The following RB1CC1 variants were observed in gnomAD, a reference collection of about 807,000 sequenced individuals.
RB1CC1 encodes the protein RB1 inducible coiled-coil 1, also known as RB1-inducible coiled-coil protein 1.
A neutral mutation model predicts 177.5 loss-of-function variants in RB1CC1; 46 were observed. That is an observed-to-expected ratio of 0.26 (90% CI 0.20 to 0.33). RB1CC1 has a LOEUF of 0.33. RB1CC1 is among the 10% of genes least tolerant of loss of function. The pLI, the probability that RB1CC1 is intolerant of heterozygous loss-of-function variation, is 1.00. For missense variants in RB1CC1, 1,703 were observed against 1,816.3 expected, an observed-to-expected ratio of 0.94 and a Z score of 1.13; for synonymous variants, 666 against 613.6, an observed-to-expected ratio of 1.09 and a Z score of -1.26.
chr8:52,668,869 C>T (rs1427455345), intron 7 of RB1CC1, among the ~76,000 whole-genome samples: 1 of 152,206 alleles, frequency 6.6e-6, no homozygotes. Context: ...ATAACCTTTT[C>T]CCAACCTTAA....
intron 15 of RB1CC1, among the ~76,000 whole-genome samples, chr8:52,653,762 C>A (rs1486195475): frequency 6.6e-6 from 1 of 152,136 alleles, no homozygotes; most frequent in Non-Finnish European, 1.5e-5. Context: ...AGCTGAATAT[C>A]TCAAATGTTG....
At chr8:52,703,333 C>T (rs1390325026) in intron 1 of RB1CC1, among the ~76,000 whole-genome samples, 2 of 152,132 alleles carry the variant, frequency 1.3e-5, no homozygotes, top group Non-Finnish European at 2.9e-5. Flanking sequence ...TCAGATGACA[C>T]CACCAACTAC....
chr8:52,646,096 T>C (rs567590315), intron 15 of RB1CC1, among the ~76,000 whole-genome samples: 4 of 152,336 alleles, frequency 2.6e-5, no homozygotes, highest in Non-Finnish European at 5.9e-5. Context: ...GTATAGCAGA[T>C]AAATTCCAGA....
At chr8:52,676,341 ATAT>A (rs766127378) in intron 6 of RB1CC1, 25 bp downstream of exon 6, 20 of 1,568,428 alleles carry the variant, frequency 1.3e-5, no homozygotes, top group Non-Finnish European at 1.7e-5. Context: ...TTTTAAACAA[ATAT>A]TATCCATTTT....
Position 52,658,017 on chromosome 8 carries a change from T to A in RB1CC1, c.1901A>T (p.Asp634Val). The change falls in exon 14 of 24, where the codon GAT becomes GTT. Residue 634 changes from aspartate (D) to valine (V), a missense_variant. Around this residue, in one of 6 missense-constraint regions of RB1CC1, gnomAD observed 1,169 missense variants for 1,184.7 expected, o/e 0.99. Transcript: ENST00000025008. ...SLDEMSQTIT[D>V]LLSEQKASVS... ...ATTTGCCTTTTGTTCACTCAGTAGATCTGTAATGGTCTGTGACATTTCATC... is the reference window on the plus strand; with the variant it reads ...ATTTGCCTTTTGTTCACTCAGTAGAACTGTAATGGTCTGTGACATTTCATC... The A allele has an allele frequency of 6.2e-7, 1 of 1,614,068 alleles. No homozygotes were observed. Among genetic ancestry groups the A allele is most frequent in the Non-Finnish European group, 8.5e-7 (1 of 1,179,996 alleles).
chr8:52,680,802 A>G lies in RB1CC1; in HGVS notation c.369+2747T>C, dbSNP rs1853628211. Among the ~76,000 whole-genome samples the G allele has an allele frequency of 2.6e-5, 4 of 152,328 alleles. No individual in the cohort carries two copies. The South Asian group carries it at 8.3e-4, about 32-fold the overall frequency. On this transcript the variant is annotated intron_variant, in intron 5 of 23. Transcript: ENST00000025008. The stretch of plus-strand genomic sequence containing the variant: ...CGTAAAAGAGGCTAGACACAAAAGA[A>G]CAGAAACTACATTATTCCATTTATT...
chr8:52,642,788 T>C lies in RB1CC1; in HGVS notation c.4012A>G (p.Arg1338Gly), dbSNP rs1849694795. The change falls in exon 17 of 24, where the codon AGA becomes GGA. Residue 1338 changes from arginine (R) to glycine (G), a missense_variant. Transcript: ENST00000025008. ...ATGTTTTCTTTTCTCATTTTCTCTC[T>C]TGTTAAAACAGTGTTAAAATTGGTC... ...QQTNFNTVLTREKMRKENIIN... is the reference protein window; with the variant it reads ...QQTNFNTVLTGEKMRKENIIN... The C allele has an allele frequency of 6.4e-7, 1 of 1,565,268 alleles. No individual in the cohort carries two copies. The highest frequency in any genetic ancestry group is 1.4e-5 in the African/African-American group (1 of 72,436).
At chr8:52,660,682 G>A in intron 11 of RB1CC1, 25 bp from the exon 12 acceptor site, 1 of 1,565,598 alleles carries the variant, frequency 6.4e-7, no homozygotes, top group Non-Finnish European at 8.7e-7. Flanking sequence ...TAACAATATG[G>A]TTATTTTAGA....
chr8:52,646,690 A>AC (rs1015234165), intron 15 of RB1CC1, among the ~76,000 whole-genome samples: 15 of 152,266 alleles, frequency 9.9e-5, no homozygotes, highest in Non-Finnish European at 1.9e-4. Context: ...AGACTTACTA[A>AC]CCTCTTAGGG....
intron 6 of RB1CC1, among the ~76,000 whole-genome samples, chr8:52,674,940 T>C (rs1474961525): frequency 6.6e-6 from 1 of 152,208 alleles, no homozygotes. Context: ...ATATTTGATA[T>C]ATTCAAAGCA....
rs1159555861 is a variant in RB1CC1, at chr8:52,656,318, T to A, written c.3511A>T (p.Asn1171Tyr). ...LHNQAFEIEKNLKEQIIELQS... is the reference protein window; with the variant it reads ...LHNQAFEIEKYLKEQIIELQS... ...AGTTCAATTATTTGTTCTTTTAGGTTTTTTTCTATTTCAAATGCTTGGTTA... is the reference window on the plus strand; with the variant it reads ...AGTTCAATTATTTGTTCTTTTAGGTATTTTTCTATTTCAAATGCTTGGTTA... The change falls in exon 15 of 24, where the codon AAC (asparagine) becomes TAC (tyrosine). Residue 1171 changes from asparagine (N) to tyrosine (Y), a missense_variant. Around this residue, in one of 6 missense-constraint regions of RB1CC1, gnomAD observed 1,169 missense variants for 1,184.7 expected, o/e 0.99. Coordinates refer to ENST00000025008, the MANE Select transcript of RB1CC1 (RefSeq NM_014781.5). 1.2e-6 allele frequency: 2 copies of A among 1,612,918 alleles called. No individual in the cohort carries two copies. Among genetic ancestry groups the A allele is most frequent in the African/African-American group, 2.7e-5 (2 of 74,896 alleles).
chr8:52,669,120 T>C (rs1022671794), intron 7 of RB1CC1, among the ~76,000 whole-genome samples: 1 of 152,224 alleles, frequency 6.6e-6, no homozygotes, highest in Admixed American at 6.5e-5. Flanking sequence ...TACTAACATC[T>C]ACATTTGGGT....
chr8:52,676,621 T>C, intron 5 of RB1CC1, 50 bp from the exon 6 acceptor site: 1 of 1,488,330 alleles, frequency 6.7e-7, no homozygotes, highest in Non-Finnish European at 9.3e-7. Context: ...AATGGTTTGT[T>C]TGCAGAAGTT....
At chr8:52,632,162 T>C (rs1215263323) in intron 20 of RB1CC1, among the ~76,000 whole-genome samples, 5 of 152,158 alleles carry the variant, frequency 3.3e-5, no homozygotes, top group South Asian at 2.1e-4. Flanking sequence ...AATCCATTTA[T>C]CCACACCATC....
Position 52,660,974 on chromosome 8 carries a change from ATC to A in RB1CC1, c.1577_1578del (p.Arg526IlefsTer3). 1 of 1,613,438 alleles carries A rather than the reference ATC, an allele frequency of 6.2e-7. No homozygotes were observed. Among genetic ancestry groups the A allele is most frequent in the Non-Finnish European group, 8.5e-7 (1 of 1,179,646 alleles). ...CTTTTTGATTTTTCTGCTTCATATA[ATC>A]TCTTTCCATCTTTGACTAAAGCACC... ...WAGALVKDGKRLYEAEKSKRE... is the reference protein window; with the variant it reads ...WAGALVKDGKXLYEAEKSKRE... On this transcript the variant is annotated frameshift_variant, in exon 11 of 24. Transcript: ENST00000025008. LOFTEE classifies it high-confidence loss of function.
intron 15 of RB1CC1, among the ~76,000 whole-genome samples, chr8:52,652,716 G>A (rs967326305): frequency 6.6e-6 from 1 of 152,110 alleles, no homozygotes; most frequent in African/African-American, 2.4e-5. Context: ...GAATAAGTCT[G>A]TGTGTGACCT....
intron 15 of RB1CC1, among the ~76,000 whole-genome samples, chr8:52,652,963 A>G (rs1489212824): frequency 6.6e-6 from 1 of 152,126 alleles, no homozygotes; most frequent in African/African-American, 2.4e-5. Flanking sequence ...AGGCTGAGGC[A>G]GGAGAATTGC....
At chr8:52,661,821 G>T in intron 8 of RB1CC1, 102 bp from the exon 9 acceptor site, 1 of 827,634 alleles carries the variant, frequency 1.2e-6, no homozygotes, top group Non-Finnish European at 1.7e-6. Context: ...AACCCGTTTT[G>T]TGCCTTCTAA....
intron 1 of RB1CC1, among the ~76,000 whole-genome samples, chr8:52,689,089 A>C (rs1244249231): frequency 6.6e-6 from 1 of 152,072 alleles, no homozygotes; most frequent in Non-Finnish European, 1.5e-5. Flanking sequence ...ATCTCTCCTA[A>C]ACTATCTATC....
Sources: allele counts gnomAD v4.1 joint callset (sites outside exome capture counted in the v4.1 genomes callset), GRCh38; gene constraint gnomAD v4.1.1; regional missense constraint gnomAD v4.1.1; transcripts MANE v1.5; gene names NCBI Gene and HGNC (gene_info 2026-07-23, HGNC 2026-07-21).